Variants in TYW1B observed in about 807,000 individuals in gnomAD.
The protein encoded by TYW1B is S-adenosyl-L-methionine-dependent tRNA 4-demethylwyosine synthase TYW1B.
A neutral mutation model predicts 86.9 loss-of-function variants in TYW1B; 73 were observed. The observed-to-expected ratio is 0.84, with a 90% CI of 0.70 to 1.02. TYW1B has a LOEUF of 1.02. Among genes scored for constraint, TYW1B ranks in the 50% least tolerant of loss-of-function variants. The probability of loss-of-function intolerance (pLI) is 0.00; values close to 1 mark genes in which losing one functional copy is unlikely to be tolerated. For missense variants in TYW1B, 637 were observed against 827.4 expected (o/e 0.77, Z 2.82); for synonymous variants, 248 against 292.8 (o/e 0.85, Z 1.56).
intron 7 of TYW1B, among the ~76,000 whole-genome samples, chr7:72,768,594 T>G (rs1339539670): frequency 1.3e-5 from 2 of 152,056 alleles, no homozygotes; most frequent in Non-Finnish European, 2.9e-5. Context: ...GAGACCATCC[T>G]GGCTAATATG....
chr7:72,646,459 C>T (rs1447248972), intron 11 of TYW1B, among the ~76,000 whole-genome samples: 1 of 152,044 alleles, frequency 6.6e-6, no homozygotes, highest in Non-Finnish European at 1.5e-5. Context: ...GCAGCCTTCA[C>T]CTCCCTGGCT....
chr7:72,651,584 C>T (rs1467650031), intron 11 of TYW1B, among the ~76,000 whole-genome samples: 2 of 152,128 alleles, frequency 1.3e-5, no homozygotes, highest in Non-Finnish European at 2.9e-5. Flanking sequence ...CACTGCACTC[C>T]AGCCTGGCCA....
At chr7:72,605,943 T>C (rs1238452135) in intron 13 of TYW1B, among the ~76,000 whole-genome samples, 4 of 152,184 alleles carry the variant, frequency 2.6e-5, no homozygotes, top group Non-Finnish European at 4.4e-5. Context: ...AGTGGTATAA[T>C]GTCTGGTTCT....
At chr7:72,807,652 T>C (rs1157490782) in intron 4 of TYW1B, among the ~76,000 whole-genome samples, 5 of 152,176 alleles carry the variant, frequency 3.3e-5, no homozygotes, top group Non-Finnish European at 7.3e-5. Context: ...AAACCTACCA[T>C]TCTATATCAT....
chr7:72,776,523 C>G (rs1360486930), intron 7 of TYW1B, among the ~76,000 whole-genome samples: 1 of 129,440 alleles, frequency 7.7e-6, no homozygotes, highest in African/African-American at 2.9e-5. Context: ...ATTATGCCAC[C>G]GCACTCCAGA....
intron 10 of TYW1B, among the ~76,000 whole-genome samples, chr7:72,709,439 C>T (rs568703750): frequency 2.0e-4 from 31 of 151,792 alleles, no homozygotes; most frequent in Admixed American, 7.9e-4. Flanking sequence ...GAGGCCAAGG[C>T]GGGCGGATCA....
chr7:72,614,406 G>A lies in TYW1B; in HGVS notation c.1785+2266C>T, dbSNP rs114282750. Among the ~76,000 whole-genome samples, 575 of 152,284 alleles carry A rather than the reference G, an allele frequency of 3.8e-3. 2 individuals carry two copies. The highest frequency in any genetic ancestry group is 0.013 in the African/African-American group (540 of 41,560). On this transcript the variant is annotated intron_variant, in intron 13 of 13. Coordinates refer to ENST00000620995, the MANE Select transcript of TYW1B (RefSeq NM_001145440.3). ...CCAGCACTTTGGGAGACTGAGACAG[G>A]CGTATCACTTGGGGTCAGGAGGTCG...
Position 72,679,847 on chromosome 7 carries a change from A to C in TYW1B, c.1506+14840T>G, listed in dbSNP as rs180977941. ...GAGTGAAGTATAAATATGGAATGAT[A>C]GGCCAGGAGCAGTAGATCACCTCTG... is the stretch of plus-strand genomic sequence containing the variant. On this transcript the variant is annotated intron_variant, in intron 11 of 13. Transcript: ENST00000620995. 7.0e-3 allele frequency among the ~76,000 whole-genome samples: 1,072 copies of C among 152,322 alleles called. 9 individuals carry two copies. Among genetic ancestry groups the C allele is most frequent in the African/African-American group, 0.025 (1,044 of 41,578 alleles).
Position 72,713,795 on chromosome 7 carries a change from A to C in TYW1B, c.1196T>G (p.Val399Gly). The change falls in exon 10 of 14, where the codon GTA becomes GGA. Residue 399 changes from valine (V) to glycine (G), a missense_variant. Transcript: ENST00000620995. ...HQNMIKQFKG[V>G]PGVKAERFEE... ...AAAGCGTTCTGCTTTGACGCCCGGT[A>C]CTCCTGGAGAATACAGTGAGAAGGA... 6.4e-7 allele frequency: 1 copy of C among 1,573,468 alleles called. No homozygotes were observed.
intron 6 of TYW1B, among the ~76,000 whole-genome samples, chr7:72,783,383 C>CAAAAAA (rs35804694): frequency 8.8e-6 from 1 of 113,512 alleles, no homozygotes; most frequent in Non-Finnish European, 1.7e-5. Flanking sequence ...GACTTCATCT[C>CAAAAAA]AAAAAAAAAA....
chr7:72,821,616 G>A (rs1292930253), intron 2 of TYW1B, among the ~76,000 whole-genome samples: 1 of 152,230 alleles, frequency 6.6e-6, no homozygotes, highest in Non-Finnish European at 1.5e-5. Context: ...TATTTAGGTT[G>A]ACAATGGCAT....
chr7:72,802,331 G>T, intron 6 of TYW1B, 69 bp downstream of exon 6: 1 of 1,593,006 alleles, frequency 6.3e-7, no homozygotes, highest in Non-Finnish European at 8.6e-7. Flanking sequence ...GGACTACACA[G>T]TAATAAAGAA....
intron 3 of TYW1B, among the ~76,000 whole-genome samples, chr7:72,814,501 G>A (rs1217544770): frequency 5.9e-5 from 9 of 151,850 alleles, no homozygotes; most frequent in Non-Finnish European, 1.5e-5. Context: ...GGAGAATGGT[G>A]TGAACCCGGG....
intron 13 of TYW1B, among the ~76,000 whole-genome samples, chr7:72,610,517 A>C (rs1362721853): frequency 6.6e-6 from 1 of 151,888 alleles, no homozygotes; most frequent in Non-Finnish European, 1.5e-5. Flanking sequence ...TGCCAGGTCT[A>C]CCACTCACCA....
chr7:72,744,022 A>ATTCACT (rs1326590150), intron 8 of TYW1B, among the ~76,000 whole-genome samples: 1 of 151,800 alleles, frequency 6.6e-6, no homozygotes, highest in East Asian at 1.9e-4. Context: ...GAAACACAAC[A>ATTCACT]TTCACTGCTT....
At chr7:72,745,364 C>T (rs1329550848) in intron 7 of TYW1B, among the ~76,000 whole-genome samples, 17 of 152,032 alleles carry the variant, frequency 1.1e-4, no homozygotes, top group Non-Finnish European at 2.1e-4. Flanking sequence ...TGGAAGCAAG[C>T]AGCAGGTATA....
intron 11 of TYW1B, among the ~76,000 whole-genome samples, chr7:72,661,043 G>A (rs1813316020): frequency 6.6e-6 from 1 of 150,850 alleles, no homozygotes. Context: ...GCTGAGGCAG[G>A]AGAATCGCTT....
intron 11 of TYW1B, among the ~76,000 whole-genome samples, chr7:72,686,759 T>A (rs1396755069): frequency 6.6e-6 from 1 of 152,118 alleles, no homozygotes; most frequent in African/African-American, 2.4e-5. Context: ...AATGTGCCAC[T>A]CTTGTGGGTG....
intron 11 of TYW1B, among the ~76,000 whole-genome samples, chr7:72,644,239 G>A (rs1247561285): frequency 2.0e-5 from 3 of 152,180 alleles, no homozygotes; most frequent in African/African-American, 7.2e-5. Context: ...TCTTCAGTAT[G>A]GTGGAGTATT....
Sources: gnomAD v4.1 joint callset for allele counts (sites outside exome capture counted in the v4.1 genomes callset) on GRCh38, gnomAD v4.1.1 for gene constraint, MANE v1.5 for transcripts, NCBI Gene and HGNC (gene_info 2026-07-23, HGNC 2026-07-21) for gene names.